The following MAP3K15 variants were observed in gnomAD, a reference collection of about 807,000 sequenced individuals.
The protein encoded by MAP3K15 is mitogen-activated protein kinase kinase kinase 15.
A neutral mutation model predicts 99.5 loss-of-function variants in MAP3K15; 124 were observed. The observed-to-expected ratio is 1.25, with a 90% confidence interval of 1.08 to 1.45. The LOEUF (loss-of-function observed/expected upper bound fraction) is 1.45, where lower values mean the gene tolerates loss of function less well. Ranked by LOEUF, MAP3K15 falls within the 40% of genes most tolerant of loss-of-function variation. MAP3K15 has a pLI of 0.00. For synonymous variants in MAP3K15, 494 were observed against 439.6 expected (o/e 1.12, Z -1.55); for missense variants, 1,242 against 1,079.7 (o/e 1.15, Z -2.11).
chrX:19,420,895 T>C (rs2063778587), intron 9 of MAP3K15, among the ~76,000 whole-genome samples: 1 of 111,711 alleles, frequency 9.0e-6, no homozygotes. Context: ...AATCAATAAA[T>C]GTAATCCAGC....
At chrX:19,486,305 G>T (rs1209925988) in intron 3 of MAP3K15, among the ~76,000 whole-genome samples, 177 bp downstream of exon 3, 1 of 111,773 alleles carries the variant, frequency 8.9e-6, no homozygotes, top group Non-Finnish European at 1.9e-5. Flanking sequence ...GGCTGAGTGG[G>T]GCCTGGGGCC....
intron 1 of MAP3K15, among the ~76,000 whole-genome samples, chrX:19,496,098 GCT>G (rs772421085): frequency 1.1e-5 from 1 of 93,841 alleles, no homozygotes; most frequent in East Asian, 3.2e-4. Flanking sequence ...ATGGAGTCTT[GCT>G]CTGTTGCCCA....
intron 3 of MAP3K15, among the ~76,000 whole-genome samples, chrX:19,480,526 G>C (rs1326887361): frequency 9.2e-6 from 1 of 108,433 alleles, no homozygotes; most frequent in Admixed American, 9.9e-5. Context: ...AAAAAGGGCC[G>C]GGTGCGGGCC....
At chrX:19,433,148 A>G (rs1003275906) in intron 6 of MAP3K15, among the ~76,000 whole-genome samples, 2 of 112,061 alleles carry the variant, frequency 1.8e-5, no homozygotes, top group Non-Finnish European at 3.8e-5. Flanking sequence ...CCATGCAATG[A>G]TAATTATCAA....
intron 13 of MAP3K15, among the ~76,000 whole-genome samples, chrX:19,403,264 A>G (rs185970567): frequency 3.0e-4 from 33 of 110,939 alleles, no homozygotes; most frequent in Non-Finnish European, 6.0e-4. Flanking sequence ...ATGTATTTTT[A>G]AAAAAAGGCA....
intron 1 of MAP3K15, among the ~76,000 whole-genome samples, chrX:19,512,446 C>G (rs888581623): frequency 9.0e-6 from 1 of 111,462 alleles, no homozygotes; most frequent in Non-Finnish European, 1.9e-5. Flanking sequence ...ACTGTCCCAC[C>G]TGGGAGTTAC....
chrX:19,385,794 CAAG>C (rs1456342821), intron 18 of MAP3K15, among the ~76,000 whole-genome samples: 17 of 110,644 alleles, frequency 1.5e-4, no homozygotes, highest in African/African-American at 5.6e-4. Flanking sequence ...TACACTACAT[CAAG>C]AAGAAGCGCT....
At position 19,515,028 on chromosome X, in the gene MAP3K15, G is replaced by A. The variant is rs994204651; in HGVS notation, c.234C>T (p.Gly78=). Residue 78 remains glycine, a synonymous_variant, in exon 1 of 29, where the codon GGC becomes GGT. Coordinates refer to ENST00000338883, the MANE Select transcript of MAP3K15 (RefSeq NM_001001671.4). ...SESSQGGAAG[G]PEAGARQCLL... ...GGCACTGCCGCGCCCCAGCCTCCGG[G>A]CCGCCGGCCGCGCCGCCCTGGGAGC... 9.5e-7 allele frequency: 1 copy of A among 1,057,703 alleles called. No homozygotes were observed. Among genetic ancestry groups the A allele is most frequent in the South Asian group, 2.2e-5 (1 of 45,819 alleles). The allele number at this position is 1,057,703 out of a possible 1,213,427, so 87.2% of individuals were successfully genotyped here.
At chrX:19,437,480 A>T (rs1831959818) in intron 6 of MAP3K15, among the ~76,000 whole-genome samples, 4 of 111,479 alleles carry the variant, frequency 3.6e-5, no homozygotes, top group Non-Finnish European at 7.5e-5. Context: ...GCTGTTCCAC[A>T]TGCTGATCCC....
intron 7 of MAP3K15, among the ~76,000 whole-genome samples, chrX:19,430,933 C>G (rs1309667345): frequency 9.0e-6 from 1 of 111,548 alleles, no homozygotes; most frequent in Non-Finnish European, 1.9e-5. Flanking sequence ...TTAACCTTTC[C>G]CCATAGCCCT....
chrX:19,447,430 T>C (rs780602329), intron 6 of MAP3K15, among the ~76,000 whole-genome samples: 1 of 112,003 alleles, frequency 8.9e-6, no homozygotes, highest in East Asian at 2.8e-4. Flanking sequence ...CTACAAAGTG[T>C]TCAAACACAC....
chrX:19,434,727 C>T (rs1223299472), intron 6 of MAP3K15, among the ~76,000 whole-genome samples: 4 of 111,772 alleles, frequency 3.6e-5, no homozygotes, highest in Admixed American at 9.6e-5. Flanking sequence ...AAGGATGGTA[C>T]GTAGCCAGCC....
At chrX:19,420,134 G>A (rs376651954) in intron 9 of MAP3K15, among the ~76,000 whole-genome samples, 1 of 111,266 alleles carries the variant, frequency 9.0e-6, no homozygotes, top group African/African-American at 3.3e-5. Flanking sequence ...AAGAACTAGA[G>A]AAGCAAGAGC....
At chrX:19,463,522 G>A (rs958729997) in intron 4 of MAP3K15, among the ~76,000 whole-genome samples, 1 of 111,964 alleles carries the variant, frequency 8.9e-6, no homozygotes, top group Non-Finnish European at 1.9e-5. Context: ...TGGATCCTTT[G>A]GTTAAGAAGA....
chrX:19,368,869 G>A (rs1486994173), intron 25 of MAP3K15, among the ~76,000 whole-genome samples, 185 bp downstream of exon 25: 1 of 107,080 alleles, frequency 9.3e-6, no homozygotes, highest in Non-Finnish European at 1.9e-5. Context: ...TTAAAGGAAG[G>A]CATTCCTCTA....
At chrX:19,510,933 C>A (rs1602361497) in intron 1 of MAP3K15, among the ~76,000 whole-genome samples, 4 of 111,779 alleles carry the variant, frequency 3.6e-5, no homozygotes, top group African/African-American at 1.3e-4. Context: ...GAGTGAACTC[C>A]CATTCACAAT....
chrX:19,394,868 G>T lies in MAP3K15; in HGVS notation c.2194+213C>A, dbSNP rs927388706. Among the ~76,000 whole-genome samples, 3 of 88,625 alleles carry T rather than the reference G, an allele frequency of 3.4e-5. No individual in the cohort carries two copies. In the Admixed American group the frequency reaches 4.3e-4, roughly 13 times the overall value. 77.0% of individuals were successfully genotyped at this position (88,625 alleles called of 115,157 possible). On this transcript the variant is annotated intron_variant, in intron 16 of 28. Transcript: ENST00000338883. ...GTGATGGGTTTTGCTCTGTCGCCCA[G>T]GCTGGAGTGCAGTGCTGTGATCATG... is the stretch of plus-strand genomic sequence containing the variant.
intron 1 of MAP3K15, among the ~76,000 whole-genome samples, chrX:19,503,984 C>T (rs1264827511): frequency 1.9e-5 from 2 of 107,186 alleles, no homozygotes; most frequent in Non-Finnish European, 3.8e-5. Context: ...GACATAGTGG[C>T]GTGCACCTGT....
intron 3 of MAP3K15, among the ~76,000 whole-genome samples, chrX:19,472,035 A>G (rs2064211113): frequency 9.0e-6 from 1 of 110,705 alleles, no homozygotes; most frequent in Admixed American, 9.6e-5. Flanking sequence ...ATCCTGGCTA[A>G]CACAGTGAAA....
Sources: gnomAD v4.1 joint callset for allele counts (sites outside exome capture counted in the v4.1 genomes callset) on GRCh38, gnomAD v4.1.1 for gene constraint, MANE v1.5 for transcripts, NCBI Gene and HGNC (gene_info 2026-07-23, HGNC 2026-07-21) for gene names.